The following TRERF1 variants were observed in gnomAD, a reference collection of about 807,000 sequenced individuals.
TRERF1 encodes transcriptional regulating factor 1, also known as transcriptional-regulating factor 1.
Under a neutral mutation model 122.9 loss-of-function variants are expected in TRERF1, and 27 were observed. The ratio of observed to expected loss-of-function variants is 0.22; its 90% CI spans 0.16 to 0.30. The LOEUF (loss-of-function observed/expected upper bound fraction) is 0.30. Ranked by LOEUF, TRERF1 falls within the 10% of genes least tolerant of loss-of-function variation. TRERF1 has a pLI of 1.00. For missense variants in TRERF1, 1,248 were observed against 1,560.3 expected, an observed-to-expected ratio of 0.80 and a Z score of 3.37; for synonymous variants, 636 against 641.7, an observed-to-expected ratio of 0.99 and a Z score of 0.13.
At chr6:42,366,281 G>GCTGCTCAA (rs1772715157) in intron 2 of TRERF1, among the ~76,000 whole-genome samples, 1 of 152,188 alleles carries the variant, frequency 6.6e-6, no homozygotes, top group African/African-American at 2.4e-5. Context: ...GCAACTGCCC[G>GCTGCTCAA]CTGCTCAACA....
chr6:42,257,208 A>G, intron 10 of TRERF1, 106 bp from the exon 11 acceptor site: 1 of 1,376,824 alleles, frequency 7.3e-7, no homozygotes, highest in Non-Finnish European at 9.9e-7. Context: ...TTCTTTCTGC[A>G]AGAATGCAGG....
At chr6:42,419,542 TTACTA>T (rs1273582741) in intron 2 of TRERF1, among the ~76,000 whole-genome samples, 2 of 152,044 alleles carry the variant, frequency 1.3e-5, no homozygotes, top group African/African-American at 2.4e-5. Flanking sequence ...CCTCAGCACC[TTACTA>T]TACACTGGGG....
chr6:42,251,526 A>T (rs1191643461), intron 13 of TRERF1, among the ~76,000 whole-genome samples: 6 of 147,682 alleles, frequency 4.1e-5, no homozygotes, highest in Non-Finnish European at 9.0e-5. Context: ...CCACTAGGCA[A>T]TTTTTTTTTT....
chr6:42,259,427 G>T lies in TRERF1; in HGVS notation c.2181C>A (p.Val727=). 6.3e-7 allele frequency: 1 copy of T among 1,586,708 alleles called. No homozygotes were observed. Reference sequence around the variant, plus strand: ...CGCCAGGGCCGTGGCCGGAGATGAGGACATTGCTGAAGAGCCCCGAGCCCT... The same window carrying T: ...CGCCAGGGCCGTGGCCGGAGATGAGTACATTGCTGAAGAGCCCCGAGCCCT... The change falls in exon 9 of 18, where the codon GTC becomes GTA. Residue 727 remains valine, a synonymous_variant. Transcript: ENST00000372922. This position sits in a 1 kb window ranked among gnomAD's most constrained non-coding sequence, Gnocchi z 4.9.
chr6:42,305,495 C>G (rs764766913), intron 3 of TRERF1, among the ~76,000 whole-genome samples: 3 of 152,160 alleles, frequency 2.0e-5, no homozygotes, highest in Non-Finnish European at 4.4e-5. Flanking sequence ...AATTAATACA[C>G]AGGAACAAGC....
In TRERF1 at chr6:42,276,780, G is replaced by T. The variant is rs1249388092; in HGVS notation, c.-258-6932C>A. On this transcript the variant is annotated intron_variant, in intron 4 of 17. Transcript: ENST00000372922. This position sits in a 1 kb window ranked among gnomAD's most constrained non-coding sequence, Gnocchi z 4.3. ...GCCCTGGCTTTCCTGCTGACTCTGG[G>T]CTGTGGGAGGATTTTCAAGGCTCCC... Among the ~76,000 whole-genome samples the T allele has an allele frequency of 1.3e-5, 2 of 152,182 alleles. No homozygotes were observed. Among genetic ancestry groups the T allele is most frequent in the African/African-American group, 4.8e-5 (2 of 41,428 alleles).
intron 2 of TRERF1, among the ~76,000 whole-genome samples, chr6:42,443,071 T>C (rs942784894): frequency 2.6e-5 from 4 of 152,232 alleles, no homozygotes; most frequent in Non-Finnish European, 5.9e-5. Flanking sequence ...CTCCATTTCC[T>C]CTCTCTCTGA....
intron 15 of TRERF1, among the ~76,000 whole-genome samples, chr6:42,240,913 G>A (rs1773541513): frequency 6.6e-6 from 1 of 151,612 alleles, no homozygotes; most frequent in African/African-American, 2.4e-5. Context: ...TTTTTTCTGA[G>A]ATGTAGTCTC....
At chr6:42,372,889 A>C (rs1011489289) in intron 2 of TRERF1, among the ~76,000 whole-genome samples, 4 of 152,184 alleles carry the variant, frequency 2.6e-5, no homozygotes, top group African/African-American at 9.7e-5. Context: ...TGAGTCAGGC[A>C]AAGGGTAAGA....
rs531628186 is a variant in TRERF1, at chr6:42,335,651, T to C, written c.-371+27346A>G. Among the ~76,000 whole-genome samples the C allele has an allele frequency of 2.0e-5, 3 of 152,292 alleles. No individual in the cohort carries two copies. In the South Asian group the frequency reaches 6.2e-4, roughly 32 times the overall value. ...CTGATGCACCAAGTCTAGGCACTTA[T>C]TCATGTGCATTAACTTTGGGATTCT... On this transcript the variant is annotated intron_variant, in intron 3 of 17. Transcript: ENST00000372922.
intron 2 of TRERF1, among the ~76,000 whole-genome samples, chr6:42,446,466 T>A (rs1787539490): frequency 6.6e-6 from 1 of 152,200 alleles, no homozygotes; most frequent in Admixed American, 6.5e-5. Context: ...TCCAAGTCAC[T>A]GGACTTGTGG....
At chr6:42,432,634 G>A (rs1191351271) in intron 2 of TRERF1, among the ~76,000 whole-genome samples, 3 of 152,188 alleles carry the variant, frequency 2.0e-5, no homozygotes, top group Non-Finnish European at 2.9e-5. Context: ...TTGAGGTCAG[G>A]AGTTTGAGAC....
chr6:42,424,591 A>G (rs972269043), intron 2 of TRERF1, among the ~76,000 whole-genome samples: 6 of 152,152 alleles, frequency 3.9e-5, no homozygotes, highest in African/African-American at 1.4e-4. Flanking sequence ...AATCTGTACT[A>G]CCCAACTGTT....
chr6:42,303,500 T>C (rs1429344112), intron 3 of TRERF1, among the ~76,000 whole-genome samples: 1 of 152,176 alleles, frequency 6.6e-6, no homozygotes, highest in Non-Finnish European at 1.5e-5. Context: ...GCAAAGGTCC[T>C]GTGACAGGAT....
chr6:42,383,196 A>G (rs1776243346), intron 2 of TRERF1, among the ~76,000 whole-genome samples: 1 of 152,072 alleles, frequency 6.6e-6, no homozygotes, highest in Non-Finnish European at 1.5e-5. Flanking sequence ...ACTCCACTGC[A>G]CTCCAGCCTG....
chr6:42,422,845 CTT>C (rs895409271), intron 2 of TRERF1, among the ~76,000 whole-genome samples: 2 of 145,484 alleles, frequency 1.4e-5, no homozygotes, highest in African/African-American at 5.0e-5. Flanking sequence ...GCGTGAGCAT[CTT>C]TTTTTTTTTG....
In TRERF1 at chr6:42,408,210, A is replaced by AATAAATATATATATATATAT. The variant is rs151035028; in HGVS notation, c.-454+42966_-454+42967insATATATATATATATATTTAT. 5.6e-5 allele frequency among the ~76,000 whole-genome samples: 6 copies of AATAAATATATATATATATAT among 107,150 alleles called. 1 individual carries two copies. The highest frequency in any genetic ancestry group is 9.2e-5 in the Non-Finnish European group (5 of 54,198). The allele number at this position is 107,150 out of a possible 152,430, so 70.3% of individuals were successfully genotyped here. ...TTCCATTAACTTCGCTATATAAATA[A>AATAAATATATATATATATAT]ATATATATATATATATATGTGTGTG... On this transcript the variant is annotated intron_variant, in intron 2 of 17. Transcript: ENST00000372922.
chr6:42,297,383 G>A (rs1785291182), intron 4 of TRERF1, among the ~76,000 whole-genome samples: 1 of 152,208 alleles, frequency 6.6e-6, no homozygotes, highest in African/African-American at 2.4e-5. Flanking sequence ...ATCAAAGCTG[G>A]CTTTTGCCCT....
chr6:42,303,135 C>G (rs1308096416), intron 3 of TRERF1, among the ~76,000 whole-genome samples: 2 of 152,178 alleles, frequency 1.3e-5, no homozygotes, highest in African/African-American at 2.4e-5. Flanking sequence ...ATCCATTCAC[C>G]CATCCAATGT....
Sources: allele counts gnomAD v4.1 joint callset (sites outside exome capture counted in the v4.1 genomes callset), GRCh38; gene constraint gnomAD v4.1.1; non-coding constraint Gnocchi (gnomAD v3.1); transcripts MANE v1.5; gene names NCBI Gene and HGNC (gene_info 2026-07-23, HGNC 2026-07-21).